PYHIN1: variants seen among roughly 807,000 people sequenced by gnomAD.
The protein encoded by PYHIN1 is pyrin and HIN domain family member 1.
A neutral mutation model predicts 43.7 loss-of-function variants in PYHIN1; 32 were observed. The ratio of observed to expected loss-of-function variants is 0.73; its 90% CI spans 0.55 to 0.98. The LOEUF is 0.98. Ranked by LOEUF, PYHIN1 falls within the 50% of genes least tolerant of loss-of-function variation. The pLI, the probability that PYHIN1 is intolerant of heterozygous loss-of-function variation, is 0.00. For missense variants in PYHIN1, 588 were observed against 589.5 expected (o/e 1.00, Z 0.03); for synonymous variants, 205 against 203.1 (o/e 1.01, Z -0.08).
intron 2 of PYHIN1, among the ~76,000 whole-genome samples, chr1:158,937,751 C>G (rs941524619): frequency 6.6e-6 from 1 of 152,040 alleles, no homozygotes; most frequent in African/African-American, 2.4e-5. Context: ...TCGAGACCAT[C>G]CTGGCTAACA....
intron 8 of PYHIN1, among the ~76,000 whole-genome samples, chr1:158,976,083 A>G (rs923585245): frequency 1.3e-5 from 2 of 152,102 alleles, no homozygotes; most frequent in African/African-American, 4.8e-5. Context: ...ATCAGAACAC[A>G]AAGGTAGCTG....
chr1:158,969,977 A>T (rs1650845217), intron 7 of PYHIN1, among the ~76,000 whole-genome samples: 1 of 151,906 alleles, frequency 6.6e-6, no homozygotes, highest in Non-Finnish European at 1.5e-5. Context: ...TCAATCTATG[A>T]TTCACCAGGT....
intron 5 of PYHIN1, among the ~76,000 whole-genome samples, chr1:158,942,960 T>TA (rs1315175372): frequency 1.3e-5 from 2 of 152,162 alleles, no homozygotes; most frequent in African/African-American, 4.8e-5. Context: ...ATTTGGGTGA[T>TA]ACTTGGAGAA....
At chr1:158,950,535 C>T (rs953929045) in intron 7 of PYHIN1, among the ~76,000 whole-genome samples, 4 of 152,140 alleles carry the variant, frequency 2.6e-5, no homozygotes, top group Non-Finnish European at 5.9e-5. Flanking sequence ...TACCCTCTTC[C>T]CCACGTTAAT....
chr1:158,972,136 C>CA (rs1650967477), intron 7 of PYHIN1, among the ~76,000 whole-genome samples: 1 of 151,866 alleles, frequency 6.6e-6, no homozygotes, highest in East Asian at 1.9e-4. Context: ...CATATGACTC[C>CA]AATAAGATAG....
At chr1:158,943,717 G>A in intron 5 of PYHIN1, 73 bp from the exon 6 acceptor site, 3 of 1,136,364 alleles carry the variant, frequency 2.6e-6, no homozygotes, top group Non-Finnish European at 3.8e-6. Flanking sequence ...TTTTTAATCT[G>A]TCACAAGAGA....
chr1:158,939,932 C>A, intron 4 of PYHIN1: 1 of 168,060 alleles, frequency 6.0e-6, no homozygotes, highest in Non-Finnish European at 1.3e-5. Context: ...TACCTTTGCT[C>A]AACGAAAAAA....
intron 7 of PYHIN1, among the ~76,000 whole-genome samples, chr1:158,969,396 C>T (rs1321707012): frequency 1.3e-5 from 2 of 151,914 alleles, no homozygotes; most frequent in Admixed American, 1.3e-4. Context: ...AACTGAGTCA[C>T]TATCTTCCAA....
chr1:158,983,192 T>C, the PYHIN1 span, among the ~76,000 whole-genome samples: 5 of 151,692 alleles, frequency 3.3e-5, no homozygotes, highest in Non-Finnish European at 7.4e-5. Context: ...GAACCAGGAG[T>C]AGTGAGAGTA....
chr1:158,946,891 A>G (rs1649254300), intron 7 of PYHIN1, among the ~76,000 whole-genome samples: 1 of 152,188 alleles, frequency 6.6e-6, no homozygotes, highest in Admixed American at 6.5e-5. Context: ...CCTCCCAACA[A>G]TTAAGGACAC....
chr1:158,978,159 A>C (rs1008799386), downstream of PYHIN1, among the ~76,000 whole-genome samples: 7 of 152,060 alleles, frequency 4.6e-5, no homozygotes, highest in Admixed American at 1.3e-4. Context: ...TATGTCTTTT[A>C]TCAGACATAA....
At chr1:158,952,411 G>A (rs758018649) in intron 7 of PYHIN1, among the ~76,000 whole-genome samples, 3 of 151,690 alleles carry the variant, frequency 2.0e-5, no homozygotes, top group African/African-American at 2.4e-5. Flanking sequence ...TGATTGCCTC[G>A]TTGATCTTGC....
At chr1:158,981,053 T>C (rs1036767602), downstream of PYHIN1, among the ~76,000 whole-genome samples, 4 of 152,124 alleles carry the variant, frequency 2.6e-5, no homozygotes, top group African/African-American at 4.8e-5. Flanking sequence ...AGAACCTACA[T>C]TGAAATATTG....
At chr1:158,956,169 G>T (rs2101693866) in intron 7 of PYHIN1, among the ~76,000 whole-genome samples, 1 of 143,862 alleles carries the variant, frequency 7.0e-6, no homozygotes, top group South Asian at 2.3e-4. Context: ...AATTCTACCA[G>T]AGGTACAAGG....
intron 7 of PYHIN1, among the ~76,000 whole-genome samples, chr1:158,954,737 A>G (rs1475376321): frequency 1.3e-5 from 2 of 151,130 alleles, no homozygotes; most frequent in East Asian, 4.0e-4. Flanking sequence ...ACAGGATCAA[A>G]TTCATACATA....
At chr1:158,970,752 T>C (rs557329825) in intron 7 of PYHIN1, among the ~76,000 whole-genome samples, 29 of 151,918 alleles carry the variant, frequency 1.9e-4, no homozygotes, top group Non-Finnish European at 4.0e-4. Context: ...ACTATAACAA[T>C]GAAAATAATA....
intron 7 of PYHIN1, among the ~76,000 whole-genome samples, chr1:158,957,909 G>GA (rs1226479588): frequency 6.6e-6 from 1 of 151,116 alleles, no homozygotes; most frequent in African/African-American, 2.4e-5. Flanking sequence ...AAATTTACAA[G>GA]AAAAAAACAA....
intron 7 of PYHIN1, among the ~76,000 whole-genome samples, chr1:158,951,361 G>A (rs994463768): frequency 6.6e-6 from 1 of 152,164 alleles, no homozygotes; most frequent in Non-Finnish European, 1.5e-5. Flanking sequence ...AATTGCTGAA[G>A]TCAGAGAAAA....
rs1334416518 is a variant in PYHIN1 at position 158,958,026 on chromosome 1, C to T, written c.1359+12984C>T. ...AAAAATGCTCATCATCACTGGCCAT[C>T]AGAGAAATGCCAATCTAAACCACAA... On this transcript the variant is annotated intron_variant, in intron 7 of 8. Transcript: ENST00000368140. Among the ~76,000 whole-genome samples, 6 of 152,210 alleles carry T rather than the reference C, an allele frequency of 3.9e-5. No homozygotes were observed. The East Asian group carries it at 1.2e-3, about 29-fold the overall frequency.
Sources: allele counts gnomAD v4.1 joint callset (sites outside exome capture counted in the v4.1 genomes callset), GRCh38; gene constraint gnomAD v4.1.1; transcripts MANE v1.5; gene names NCBI Gene and HGNC (gene_info 2026-07-23, HGNC 2026-07-21).